Variants in CA12 observed in about 807,000 individuals in gnomAD.
CA12 encodes the protein carbonic anhydrase 12, also known as carbonate dehydratase XII.
Under a neutral mutation model 46.8 loss-of-function variants are expected in CA12, and 36 were observed. That is an observed-to-expected ratio of 0.77 (90% CI 0.59 to 1.02). The LOEUF is 1.02. Ranked by LOEUF, CA12 falls within the 50% of genes least tolerant of loss-of-function variation. The pLI is 0.00. For missense variants in CA12, 436 were observed against 451.4 expected, an observed-to-expected ratio of 0.97 and a Z score of 0.31; for synonymous variants, 202 against 187.0, an observed-to-expected ratio of 1.08 and a Z score of -0.65.
intron 1 of CA12, among the ~76,000 whole-genome samples, chr15:63,380,578 C>T (rs976675080): frequency 6.6e-6 from 1 of 152,220 alleles, no homozygotes; most frequent in African/African-American, 2.4e-5. Flanking sequence ...ACTTCTGTTA[C>T]ATCGCTTCTG....
At chr15:63,349,848 T>A (rs2039203775) in intron 2 of CA12, among the ~76,000 whole-genome samples, 1 of 152,126 alleles carries the variant, frequency 6.6e-6, no homozygotes, top group Non-Finnish European at 1.5e-5. Context: ...CCCTCACATG[T>A]TTACTAAGCT....
chr15:63,375,606 C>A (rs1292966188), intron 2 of CA12, 52 bp downstream of exon 2: 2 of 1,200,190 alleles, frequency 1.7e-6, no homozygotes, highest in East Asian at 2.4e-5. Context: ...TCATTAAATA[C>A]AACCATTTCT....
Position 63,328,033 on chromosome 15 carries a change from A to T in CA12, c.907+65T>A. The T allele has an allele frequency of 6.7e-7, 1 of 1,497,730 alleles. No homozygotes were observed. Among genetic ancestry groups the T allele is most frequent in the Non-Finnish European group, 9.3e-7 (1 of 1,074,646 alleles). 92.8% of individuals were successfully genotyped at this position (1,497,730 alleles called of 1,614,324 possible). A position where few individuals can be genotyped will look rare whatever the true frequency, so the allele number is the denominator to read the frequency against. The stretch of plus-strand genomic sequence containing the variant: ...AGAGAAGCAGAGAGGACGGGCTTGG[A>T]TCACACCAAGAATCACAGTGATCAC... On this transcript the variant is annotated intron_variant, in intron 9 of 10. Transcript: ENST00000178638. The surrounding 1 kb of genome is among the most constrained non-coding windows in gnomAD (Gnocchi z 5.9).
At chr15:63,347,630 G>A (rs1406513886) in intron 2 of CA12, among the ~76,000 whole-genome samples, 1 of 152,196 alleles carries the variant, frequency 6.6e-6, no homozygotes, top group East Asian at 1.9e-4. Context: ...CATGCTATGT[G>A]CAGATGAACT....
At chr15:63,360,551 A>T (rs1184749659) in intron 2 of CA12, among the ~76,000 whole-genome samples, 3 of 152,188 alleles carry the variant, frequency 2.0e-5, no homozygotes, top group Non-Finnish European at 2.9e-5. Context: ...CCCCTCAAAC[A>T]TTAGGCTACT....
intron 2 of CA12, among the ~76,000 whole-genome samples, chr15:63,354,253 G>C (rs1373827784): frequency 6.6e-6 from 1 of 151,998 alleles, no homozygotes; most frequent in Admixed American, 6.6e-5. Flanking sequence ...GGGACAGTGA[G>C]GGAGGGCTAG....
chr15:63,367,540 A>G (rs2039451572), intron 2 of CA12, among the ~76,000 whole-genome samples: 1 of 152,220 alleles, frequency 6.6e-6, no homozygotes, highest in Admixed American at 6.5e-5. Context: ...GACTTTGCAG[A>G]GCCCTGTGTC....
At chr15:63,342,798 C>T (rs1342915465) in intron 4 of CA12, among the ~76,000 whole-genome samples, 1 of 152,114 alleles carries the variant, frequency 6.6e-6, no homozygotes, top group Non-Finnish European at 1.5e-5. Context: ...TTTGCTGGTT[C>T]TTTGTCCTTG....
In CA12 at chr15:63,324,862, T is replaced by A. The variant is rs1171881714; in HGVS notation, c.*1423A>T. 1 of 151,906 alleles carries A rather than the reference T, an allele frequency of 6.6e-6. No homozygotes were observed. Among genetic ancestry groups the A allele is most frequent in the Non-Finnish European group, 1.5e-5 (1 of 67,976 alleles). The allele number at this position is 151,906 out of a possible 1,614,324, so 9.4% of individuals were successfully genotyped here. A position where few individuals can be genotyped will look rare whatever the true frequency, so the allele number is the denominator to read the frequency against. On this transcript the variant is annotated 3_prime_UTR_variant, in exon 11 of 11. Transcript: ENST00000178638. ...GAAAAAGATATTTAAAAAGCTATGC[T>A]TCAAGAGGACATTTCATGCTGTCAA...
chr15:63,352,879 C>T (rs779663874), intron 2 of CA12, among the ~76,000 whole-genome samples: 13 of 152,106 alleles, frequency 8.5e-5, no homozygotes, highest in Non-Finnish European at 1.9e-4. Context: ...AATTTGAATA[C>T]ACATTTAATA....
intron 8 of CA12, among the ~76,000 whole-genome samples, chr15:63,338,442 C>T (rs1212705373): frequency 3.3e-5 from 5 of 152,098 alleles, no homozygotes; most frequent in Non-Finnish European, 7.4e-5. Context: ...GCCAAGAAAG[C>T]CTAGGGAGGG....
At chr15:63,347,281 C>T (rs1006186888) in intron 2 of CA12, among the ~76,000 whole-genome samples, 13 of 152,218 alleles carry the variant, frequency 8.5e-5, no homozygotes, top group African/African-American at 2.9e-4. Context: ...TTTGCACCAA[C>T]CTAAATAGGT....
chr15:63,369,044 G>C (rs1474956321), intron 2 of CA12, among the ~76,000 whole-genome samples: 3 of 152,230 alleles, frequency 2.0e-5, no homozygotes, highest in African/African-American at 7.2e-5. Flanking sequence ...TGGATGCCAG[G>C]AAAGCACCAG....
chr15:63,346,958 T>C (rs1413010271), intron 2 of CA12, among the ~76,000 whole-genome samples: 1 of 152,158 alleles, frequency 6.6e-6, no homozygotes, highest in East Asian at 1.9e-4. Flanking sequence ...GCCACCGAAC[T>C]CTGCTTTATT....
intron 3 of CA12, among the ~76,000 whole-genome samples, chr15:63,346,193 C>T (rs888836418): frequency 1.3e-5 from 2 of 152,160 alleles, no homozygotes; most frequent in East Asian, 1.9e-4. Flanking sequence ...CCTGGGCACC[C>T]CCCGCCAAAC....
chr15:63,357,938 G>C lies in CA12; in HGVS notation c.107-11229C>G, dbSNP rs574139869. 7.9e-5 allele frequency among the ~76,000 whole-genome samples: 12 copies of C among 152,252 alleles called. No homozygotes were observed. In the South Asian group the frequency reaches 2.5e-3, roughly 32 times the overall value. The stretch of plus-strand genomic sequence containing the variant: ...TCATACAATATGTGGTCAATTGCAG[G>C]TGGCTTCTTTCATCTGGCATAATGT... On this transcript the variant is annotated intron_variant, in intron 2 of 10. Coordinates refer to ENST00000178638, the MANE Select transcript of CA12 (RefSeq NM_001218.5).
Position 63,339,327 on chromosome 15 carries a change from C to T in CA12, c.748-382G>A, listed in dbSNP as rs768451094. On this transcript the variant is annotated intron_variant, in intron 7 of 10. Transcript: ENST00000178638. The surrounding 1 kb of genome is among the most constrained non-coding windows in gnomAD (Gnocchi z 4.3). ...AGAGGCCAGCTCTCAACCAGAGGGT[C>T]GCAGGGCTTGTTCTGATGGTCATAT... Among the ~76,000 whole-genome samples the T allele has an allele frequency of 6.6e-6, 1 of 151,952 alleles. No individual in the cohort carries two copies. The highest frequency in any genetic ancestry group is 2.1e-4 in the South Asian group (1 of 4,804).
Position 63,324,433 on chromosome 15 carries a change from T to A in CA12, c.*1852A>T, listed in dbSNP as rs2038838938. ...TTTGGACCAAGGCCAAGAGGCCCCC[T>A]AATTCATGTTGCTTCGTCATGAGGG... is the stretch of plus-strand genomic sequence containing the variant. On this transcript the variant is annotated 3_prime_UTR_variant, in exon 11 of 11. Transcript: ENST00000178638. 6.6e-6 allele frequency: 1 copy of A among 152,254 alleles called. No homozygotes were observed. Among genetic ancestry groups the A allele is most frequent in the Non-Finnish European group, 1.5e-5 (1 of 68,066 alleles). The allele number at this position is 152,254 out of a possible 1,614,324, so 9.4% of individuals were successfully genotyped here.
In CA12 at chr15:63,328,989, C is replaced by T. The variant is rs1010178183; in HGVS notation, c.875-859G>A. Among the ~76,000 whole-genome samples the T allele has an allele frequency of 1.1e-4, 17 of 152,236 alleles. No individual in the cohort carries two copies. Among genetic ancestry groups the T allele is most frequent in the African/African-American group, 2.7e-4 (11 of 41,464 alleles). On this transcript the variant is annotated intron_variant, in intron 8 of 10. Transcript: ENST00000178638. This position sits in a 1 kb window ranked among gnomAD's most constrained non-coding sequence, Gnocchi z 5.9. ...CTATGGGGATTACAGGTGTGAGCCACGGCGCCCAGCCAAGATTTCAGTTTT... is the reference window on the plus strand; with the variant it reads ...CTATGGGGATTACAGGTGTGAGCCATGGCGCCCAGCCAAGATTTCAGTTTT...
Sources: allele counts gnomAD v4.1 joint callset (sites outside exome capture counted in the v4.1 genomes callset), GRCh38; gene constraint gnomAD v4.1.1; non-coding constraint Gnocchi (gnomAD v3.1); transcripts MANE v1.5; gene names NCBI Gene and HGNC (gene_info 2026-07-23, HGNC 2026-07-21).